The following COL23A1 variants were observed in gnomAD, a reference collection of about 807,000 sequenced individuals.
The protein encoded by COL23A1 is collagen alpha-1(XXIII) chain.
Under a neutral mutation model 99.3 loss-of-function variants are expected in COL23A1, and 97 were observed. The ratio of observed to expected loss-of-function variants is 0.98; its 90% confidence interval spans 0.83 to 1.16. The LOEUF (loss-of-function observed/expected upper bound fraction) is 1.16. COL23A1 is among the 50% of genes most tolerant of loss of function. The pLI is 0.00. For synonymous variants in COL23A1, 320 were observed against 308.2 expected (o/e 1.04, Z -0.40); for missense variants, 762 against 757.4 (o/e 1.01, Z -0.07).
intron 2 of COL23A1, among the ~76,000 whole-genome samples, chr5:178,403,131 T>G (rs56029359): frequency 2.7e-5 from 2 of 74,274 alleles, no homozygotes; most frequent in African/African-American, 8.8e-5. Flanking sequence ...AATAAATAAA[T>G]AAAAAATAAA....
chr5:178,545,272 AGGCTAC>A (rs930698960), intron 2 of COL23A1, among the ~76,000 whole-genome samples: 1 of 152,042 alleles, frequency 6.6e-6, no homozygotes, highest in African/African-American at 2.4e-5. Flanking sequence ...TCACAGTCTC[AGGCTAC>A]GGCACTTTGA....
At chr5:178,481,301 A>G (rs1757326887) in intron 2 of COL23A1, among the ~76,000 whole-genome samples, 1 of 152,178 alleles carries the variant, frequency 6.6e-6, no homozygotes, top group African/African-American at 2.4e-5. Flanking sequence ...ACATAGGGGA[A>G]AATTTTCATG....
chr5:178,404,650 C>T (rs1466454261), intron 2 of COL23A1, among the ~76,000 whole-genome samples: 1 of 140,168 alleles, frequency 7.1e-6, no homozygotes, highest in Admixed American at 7.2e-5. Context: ...ATGCTGCTGG[C>T]CAGAGACCAA....
At chr5:178,426,596 C>T (rs113637398) in intron 2 of COL23A1, among the ~76,000 whole-genome samples, 1 of 152,180 alleles carries the variant, frequency 6.6e-6, no homozygotes, top group South Asian at 2.1e-4. Flanking sequence ...GGATGCCGCA[C>T]ACCACCCCCT....
intron 2 of COL23A1, among the ~76,000 whole-genome samples, chr5:178,554,875 G>C (rs1762185903): frequency 6.6e-6 from 1 of 152,054 alleles, no homozygotes; most frequent in Non-Finnish European, 1.5e-5. Context: ...ACATAAACCT[G>C]AGCATTTTAA....
At chr5:178,363,068 ATTTTG>A (rs1265778032) in intron 2 of COL23A1, among the ~76,000 whole-genome samples, 1 of 145,020 alleles carries the variant, frequency 6.9e-6, no homozygotes. Context: ...AACCCCACAT[ATTTTG>A]TTTTGTTTTG....
intron 1 of COL23A1, chr5:178,562,273 A>G (rs752586184): frequency 1.4e-4 from 45 of 311,710 alleles, no homozygotes; most frequent in Non-Finnish European, 2.3e-4. Context: ...AAAAGAATGG[A>G]GCCGCGGGCC....
intron 19 of COL23A1, among the ~76,000 whole-genome samples, chr5:178,248,771 C>T (rs1581445479): frequency 6.6e-6 from 1 of 152,198 alleles, no homozygotes; most frequent in Non-Finnish European, 1.5e-5. Flanking sequence ...TTAGGTTGCT[C>T]GCCCAGGGTT....
chr5:178,401,410 T>C (rs1764442584), intron 2 of COL23A1, among the ~76,000 whole-genome samples: 1 of 152,332 alleles, frequency 6.6e-6, no homozygotes, highest in Admixed American at 6.5e-5. Flanking sequence ...AAGCATGTAG[T>C]ATGATTTCTA....
At position 178,523,143 on chromosome 5, in the gene COL23A1, AATAT is replaced by A. The variant is rs34569306; in HGVS notation, c.361+37535_361+37538del. 1.4e-3 allele frequency among the ~76,000 whole-genome samples: 151 copies of A among 106,210 alleles called. 1 individual carries two copies. Among genetic ancestry groups the A allele is most frequent in the Admixed American group, 4.5e-3 (37 of 8,296 alleles). The allele number at this position is 106,210 out of a possible 152,430, so 69.7% of individuals were successfully genotyped here. ...TGATGAAACTCTGTCTCTATTTAAA[AATAT>A]ATATATATATATATACATATATATA... On this transcript the variant is annotated intron_variant, in intron 2 of 28. Coordinates refer to ENST00000390654, the MANE Select transcript of COL23A1 (RefSeq NM_173465.4).
At chr5:178,413,679 G>T (rs764594119) in intron 2 of COL23A1, among the ~76,000 whole-genome samples, 1 of 152,224 alleles carries the variant, frequency 6.6e-6, no homozygotes, top group African/African-American at 2.4e-5. Flanking sequence ...ATCACAGGCT[G>T]CATGATTGCT....
intron 2 of COL23A1, among the ~76,000 whole-genome samples, chr5:178,474,028 C>G (rs776066260): frequency 2.0e-5 from 3 of 152,210 alleles, no homozygotes; most frequent in Non-Finnish European, 4.4e-5. Flanking sequence ...CACAGGAAAG[C>G]TGACGTCATC....
intron 2 of COL23A1, among the ~76,000 whole-genome samples, chr5:178,521,656 G>A (rs1581558499): frequency 6.6e-6 from 1 of 152,254 alleles, no homozygotes; most frequent in Non-Finnish European, 1.5e-5. Flanking sequence ...ACCATGCAAT[G>A]GAATATTATT....
At chr5:178,539,730 A>AT (rs987126411) in intron 2 of COL23A1, among the ~76,000 whole-genome samples, 2 of 151,962 alleles carry the variant, frequency 1.3e-5, no homozygotes, top group Non-Finnish European at 1.5e-5. Flanking sequence ...AACCTTACAC[A>AT]TTTTTTTCCA....
At chr5:178,382,149 C>A (rs1753715140) in intron 2 of COL23A1, among the ~76,000 whole-genome samples, 1 of 152,112 alleles carries the variant, frequency 6.6e-6, no homozygotes, top group Non-Finnish European at 1.5e-5. Context: ...GCTGAGGTTT[C>A]TCAGCTGAGA....
intron 13 of COL23A1, 150 bp from the exon 14 acceptor site, chr5:178,257,078 AC>A (rs1561796231): frequency 1.5e-6 from 1 of 687,050 alleles, no homozygotes; most frequent in East Asian, 2.7e-5. Context: ...GGGCGGATGG[AC>A]CTCAGGCCTC....
intron 2 of COL23A1, among the ~76,000 whole-genome samples, chr5:178,537,358 A>G (rs905844735): frequency 6.6e-6 from 1 of 152,248 alleles, no homozygotes; most frequent in Non-Finnish European, 1.5e-5. Flanking sequence ...CAGCACTCAG[A>G]GTCAGAAACC....
chr5:178,475,994 C>T (rs1032855851), intron 2 of COL23A1, among the ~76,000 whole-genome samples: 2 of 152,192 alleles, frequency 1.3e-5, no homozygotes, highest in Non-Finnish European at 2.9e-5. Context: ...GAATAATCCC[C>T]CTTTCGGCAA....
chr5:178,358,210 T>C (rs1389342847), intron 2 of COL23A1, among the ~76,000 whole-genome samples: 2 of 111,974 alleles, frequency 1.8e-5, no homozygotes, highest in South Asian at 2.7e-4. Flanking sequence ...TGTGTACGTG[T>C]GTATGTGTGT....
Sources: allele counts gnomAD v4.1 joint callset (sites outside exome capture counted in the v4.1 genomes callset), GRCh38; gene constraint gnomAD v4.1.1; transcripts MANE v1.5; gene names NCBI Gene and HGNC (gene_info 2026-07-23, HGNC 2026-07-21).